The following KCNIP4 variants were observed in gnomAD, a reference collection of about 807,000 sequenced individuals.
KCNIP4 encodes the protein potassium voltage-gated channel interacting protein 4.
A neutral mutation model predicts 34.0 loss-of-function variants in KCNIP4; 12 were observed. The observed-to-expected ratio is 0.35, with a 90% CI of 0.23 to 0.57. The LOEUF (loss-of-function observed/expected upper bound fraction) is 0.57, where lower values mean the gene tolerates loss of function less well. Ranked by LOEUF, KCNIP4 falls within the 20% of genes least tolerant of loss-of-function variation. The probability of loss-of-function intolerance (pLI) is 0.83; values close to 1 mark genes in which losing one functional copy is unlikely to be tolerated. For missense variants in KCNIP4, 238 were observed against 311.7 expected, an observed-to-expected ratio of 0.76 and a Z score of 1.78; for synonymous variants, 124 against 102.2, an observed-to-expected ratio of 1.21 and a Z score of -1.29.
At chr4:21,431,543 T>C (rs1208252848) in intron 1 of KCNIP4, among the ~76,000 whole-genome samples, 1 of 152,026 alleles carries the variant, frequency 6.6e-6, no homozygotes, top group African/African-American at 2.4e-5. Flanking sequence ...TTTATAAATG[T>C]AGAACTGGTC....
chr4:21,395,051 T>C (rs2109528934), intron 1 of KCNIP4, among the ~76,000 whole-genome samples: 1 of 152,246 alleles, frequency 6.6e-6, no homozygotes, highest in East Asian at 1.9e-4. Flanking sequence ...TATAGAAAAC[T>C]TAACACGTGT....
intron 1 of KCNIP4, among the ~76,000 whole-genome samples, chr4:21,554,065 A>G (rs1738793173): frequency 6.6e-6 from 1 of 152,136 alleles, no homozygotes; most frequent in African/African-American, 2.4e-5. Flanking sequence ...TAAATGCTCT[A>G]AAGTAAAAAT....
chr4:21,228,974 C>G (rs1356089237), intron 1 of KCNIP4, among the ~76,000 whole-genome samples: 1 of 152,146 alleles, frequency 6.6e-6, no homozygotes, highest in Non-Finnish European at 1.5e-5. Flanking sequence ...CACGGTCACT[C>G]AAGGCCTCTT....
At chr4:21,241,477 C>T (rs1417334075) in intron 1 of KCNIP4, among the ~76,000 whole-genome samples, 2 of 152,064 alleles carry the variant, frequency 1.3e-5, no homozygotes, top group Non-Finnish European at 2.9e-5. Flanking sequence ...ATGGCTGAGT[C>T]ACCAGGTAAG....
chr4:21,455,650 G>A (rs1481781854), intron 1 of KCNIP4, among the ~76,000 whole-genome samples: 1 of 149,262 alleles, frequency 6.7e-6, no homozygotes, highest in Admixed American at 6.7e-5. Context: ...AGTTATGAAG[G>A]CTAGGAATTG....
intron 1 of KCNIP4, among the ~76,000 whole-genome samples, chr4:21,248,768 C>T (rs559052918): frequency 6.6e-6 from 1 of 152,242 alleles, no homozygotes; most frequent in East Asian, 1.9e-4. Context: ...ATATTTTCTC[C>T]TTTATTCAAA....
At chr4:20,934,181 T>G (rs1486442376) in intron 1 of KCNIP4, among the ~76,000 whole-genome samples, 1 of 152,210 alleles carries the variant, frequency 6.6e-6, no homozygotes, top group Non-Finnish European at 1.5e-5. Context: ...TACTTGGATT[T>G]CTTGTCCTCC....
intron 1 of KCNIP4, among the ~76,000 whole-genome samples, chr4:21,553,964 A>G (rs2202313): frequency 0.47 from 71,990 of 151,874 alleles, 17,209 homozygotes; most frequent in East Asian, 0.66. Flanking sequence ...CATATCTTTC[A>G]GTGGGGAAGG....
intron 1 of KCNIP4, among the ~76,000 whole-genome samples, chr4:21,363,828 T>A (rs1157700756): frequency 6.6e-6 from 1 of 152,146 alleles, no homozygotes; most frequent in East Asian, 1.9e-4. Flanking sequence ...AGCATTTTCA[T>A]AGCACTCAAG....
intron 1 of KCNIP4, among the ~76,000 whole-genome samples, chr4:21,221,182 G>A (rs1757955586): frequency 6.6e-6 from 1 of 152,120 alleles, no homozygotes; most frequent in Non-Finnish European, 1.5e-5. Context: ...TAGATTGAAT[G>A]AAAACTCCTC....
intron 4 of KCNIP4, among the ~76,000 whole-genome samples, chr4:20,754,378 G>C (rs139672006): frequency 1.3e-5 from 2 of 152,212 alleles, no homozygotes; most frequent in African/African-American, 4.8e-5. Flanking sequence ...ACCCATCAAT[G>C]TTACTGTTCA....
At chr4:20,765,327 CCTT>C (rs199772839) in intron 3 of KCNIP4, among the ~76,000 whole-genome samples, 3,197 of 152,216 alleles carry the variant, frequency 0.021, 34 homozygotes, top group Non-Finnish European at 0.028. Context: ...CTGTGGAAAT[CCTT>C]CTTCTGGGAA....
intron 1 of KCNIP4, among the ~76,000 whole-genome samples, chr4:21,585,227 G>A (rs1271551770): frequency 6.6e-6 from 1 of 151,996 alleles, no homozygotes; most frequent in Non-Finnish European, 1.5e-5. Flanking sequence ...TCCTCTGCAT[G>A]AGGATACTGA....
At chr4:21,282,591 T>C (rs1162937319) in intron 1 of KCNIP4, among the ~76,000 whole-genome samples, 2 of 152,194 alleles carry the variant, frequency 1.3e-5, no homozygotes, top group Non-Finnish European at 1.5e-5. Flanking sequence ...CTAAAAAGTA[T>C]TGTTATTTTC....
chr4:21,785,477 A>G (rs1247301497), intron 1 of KCNIP4, among the ~76,000 whole-genome samples: 1 of 152,042 alleles, frequency 6.6e-6, no homozygotes, highest in Non-Finnish European at 1.5e-5. Flanking sequence ...CTGTAATCCC[A>G]GTTACTTGGA....
At chr4:21,339,879 G>T (rs1716573162) in intron 1 of KCNIP4, among the ~76,000 whole-genome samples, 1 of 152,096 alleles carries the variant, frequency 6.6e-6, no homozygotes, top group Non-Finnish European at 1.5e-5. Context: ...CAGGGCTGAT[G>T]GTATAGAAAA....
intron 1 of KCNIP4, among the ~76,000 whole-genome samples, chr4:21,519,638 ATGTG>A (rs1166655895): frequency 3.2e-5 from 3 of 94,446 alleles, no homozygotes; most frequent in Non-Finnish European, 4.2e-5. Context: ...ATATACACAA[ATGTG>A]TGTGTATGTA....
chr4:21,558,279 G>C (rs1739235289), intron 1 of KCNIP4, among the ~76,000 whole-genome samples: 1 of 152,064 alleles, frequency 6.6e-6, no homozygotes, highest in South Asian at 2.1e-4. Flanking sequence ...ATCACTTGAG[G>C]CCAGGAGTTC....
In KCNIP4 at chr4:21,368,417, C is replaced by G. The variant is rs145623578; in HGVS notation, c.62-485708G>C. ...ATGTAAGGGAGACATACACTCCCCC[C>G]AAAATAGCTAAAATGTATGGAACAC... On this transcript the variant is annotated intron_variant, in intron 1 of 8. Transcript: ENST00000382152. 1.1e-3 allele frequency among the ~76,000 whole-genome samples: 161 copies of G among 147,338 alleles called. 15 individuals carry two copies. In the East Asian group the frequency reaches 0.031, roughly 28 times the overall value.
Sources: gnomAD v4.1 joint callset for allele counts (sites outside exome capture counted in the v4.1 genomes callset) on GRCh38, gnomAD v4.1.1 for gene constraint, MANE v1.5 for transcripts, NCBI Gene and HGNC (gene_info 2026-07-23, HGNC 2026-07-21) for gene names.